FANCD2: variants seen among roughly 807,000 people sequenced by gnomAD.
The protein encoded by FANCD2 is Fanconi anemia group D2 protein.
In FANCD2, 131 loss-of-function variants were observed where a neutral mutation model predicts 192.3. That is an observed-to-expected ratio of 0.68 (90% CI 0.59 to 0.79). FANCD2 has a LOEUF of 0.79. Among genes scored for constraint, FANCD2 ranks in the 30% least tolerant of loss-of-function variants. The pLI, the probability that FANCD2 is intolerant of heterozygous loss-of-function variation, is 0.00. For synonymous variants in FANCD2, 524 were observed against 612.5 expected (o/e 0.86, Z 2.13); for missense variants, 1,508 against 1,701.6 (o/e 0.89, Z 2.00).
At chr3:10,062,275 C>T in intron 20 of FANCD2, 64 bp downstream of exon 20, 12 of 1,368,832 alleles carry the variant, frequency 8.8e-6, no homozygotes, top group Non-Finnish European at 1.2e-5. Flanking sequence ...GAGTCTCGCT[C>T]TGTCACCCAA....
rs754606069 is a variant in FANCD2, at chr3:10,098,884, G to A, written c.4281+69G>A. The stretch of plus-strand genomic sequence containing the variant: ...TTTTGTTAATTGTTCTAAGTTGGTG[G>A]AGCAGAACTTTGCCTACTTATGTTT... On this transcript the variant is annotated intron_variant, in intron 43 of 43. Transcript: ENST00000675286. 60 of 1,614,092 alleles carry A rather than the reference G, an allele frequency of 3.7e-5. No individual in the cohort carries two copies. The highest frequency in any genetic ancestry group is 4.9e-5 in the Non-Finnish European group (58 of 1,180,040).
chr3:10,052,188 C>A (rs7633842), intron 17 of FANCD2, among the ~76,000 whole-genome samples, 199 bp from the exon 18 acceptor site: 1 of 152,102 alleles, frequency 6.6e-6, no homozygotes, highest in Non-Finnish European at 1.5e-5. Flanking sequence ...AAGAATTTTC[C>A]CAGTTTATAT....
Position 10,101,549 on chromosome 3 carries a change from C to G in FANCD2, c.*287C>G. On this transcript the variant is annotated 3_prime_UTR_variant, in exon 44 of 44. Transcript: ENST00000675286. ...GACAGGCACATGCCACCATGCCCAG[C>G]TAATTTTTGTATTTTTAGTAGATAC... The G allele has an allele frequency of 9.5e-6, 4 of 423,226 alleles. No homozygotes were observed. The South Asian group carries it at 9.6e-5, about 10-fold the overall frequency. 26.2% of individuals were successfully genotyped at this position (423,226 alleles called of 1,614,324 possible).
chr3:10,034,216 TG>T lies in FANCD2; in HGVS notation c.206-246del, dbSNP rs113663828. 0.23 allele frequency among the ~76,000 whole-genome samples: 33,721 copies of T among 148,278 alleles called. 4,912 individuals carry two copies. The highest frequency in any genetic ancestry group is 0.42 in the African/African-American group (17,036 of 40,344). On this transcript the variant is annotated intron_variant, in intron 3 of 43. Transcript: ENST00000675286. ...AAACGTGTCTGTAGTCCCAGCTACT[TG>T]GGGGGGCTGAGGCAGGAGAATCATT...
At chr3:10,054,981 G>A (rs1288946300) in intron 18 of FANCD2, among the ~76,000 whole-genome samples, 1 of 151,956 alleles carries the variant, frequency 6.6e-6, no homozygotes, top group African/African-American at 2.4e-5. Context: ...CTCCCACAGG[G>A]GCAATCACTT....
chr3:10,045,954 C>T (rs17032299), intron 14 of FANCD2, among the ~76,000 whole-genome samples: 29,774 of 151,588 alleles, frequency 0.2, 3,391 homozygotes, highest in African/African-American at 0.32. Context: ...AACAAATACA[C>T]GCTGGAGTTG....
intron 16 of FANCD2, among the ~76,000 whole-genome samples, chr3:10,048,477 G>A (rs1303026254): frequency 6.6e-6 from 1 of 152,124 alleles, no homozygotes; most frequent in Non-Finnish European, 1.5e-5. Context: ...TTAATTTTTT[G>A]TATTTTTAGT....
chr3:10,027,937 G>C (rs932887328), intron 1 of FANCD2, among the ~76,000 whole-genome samples: 1 of 148,738 alleles, frequency 6.7e-6, no homozygotes, highest in Non-Finnish European at 1.5e-5. Flanking sequence ...ACTTCTTTAG[G>C]CCGGGCGGCT....
chr3:10,054,367 ACG>A (rs201287796), intron 18 of FANCD2, among the ~76,000 whole-genome samples: 6 of 108,652 alleles, frequency 5.5e-5, no homozygotes, highest in African/African-American at 2.2e-4. Context: ...ATATATATAT[ACG>A]TGTATATACA....
rs149232479 is a variant in FANCD2, at chr3:10,044,373, A to G, written c.1134+509A>G. Among the ~76,000 whole-genome samples the G allele has an allele frequency of 5.6e-4, 85 of 151,720 alleles. 3 individuals carry two copies. The East Asian group carries it at 0.016, about 28-fold the overall frequency. The stretch of plus-strand genomic sequence containing the variant: ...AATTCTAGAAATACCTTCCATCAAA[A>G]AGCCAGATGATTGGCCGGGCGCGGT... On this transcript the variant is annotated intron_variant, in intron 14 of 43. Coordinates refer to ENST00000675286, the MANE Select transcript of FANCD2 (RefSeq NM_001018115.3).
chr3:10,063,460 T>C (rs767888603), intron 20 of FANCD2, among the ~76,000 whole-genome samples: 1 of 152,056 alleles, frequency 6.6e-6, no homozygotes, highest in African/African-American at 2.4e-5. Context: ...AAAAAGCTAT[T>C]TGAGAGAGAA....
intron 14 of FANCD2, chr3:10,045,731 A>T (rs1473682879): frequency 6.6e-6 from 1 of 150,522 alleles, no homozygotes; most frequent in Non-Finnish European, 1.5e-5. Flanking sequence ...CTTCCCAAGT[A>T]GGTGGGATTA....
At chr3:10,031,313 C>G (rs879798228) in intron 2 of FANCD2, among the ~76,000 whole-genome samples, 4 of 152,048 alleles carry the variant, frequency 2.6e-5, no homozygotes, top group Non-Finnish European at 5.9e-5. Context: ...ACCATCTTGG[C>G]TAACATGGTG....
intron 18 of FANCD2, among the ~76,000 whole-genome samples, chr3:10,053,341 G>A (rs995517936): frequency 2.8e-5 from 4 of 144,744 alleles, no homozygotes; most frequent in Non-Finnish European, 4.5e-5. Context: ...GAACACATGG[G>A]CACAGGAAGG....
intron 26 of FANCD2, among the ~76,000 whole-genome samples, chr3:10,069,295 A>G (rs1231047630): frequency 6.8e-6 from 1 of 147,394 alleles, no homozygotes; most frequent in African/African-American, 2.7e-5. Flanking sequence ...TAAAGATAGG[A>G]AAAAAAATTA....
intron 18 of FANCD2, chr3:10,057,978 C>T (rs772828881): frequency 1.8e-5 from 7 of 398,816 alleles, no homozygotes; most frequent in Non-Finnish European, 3.0e-5. Flanking sequence ...AATTATTACT[C>T]ATTAGTAGCT....
chr3:10,073,916 A>C (rs1693387635), intron 28 of FANCD2, among the ~76,000 whole-genome samples: 1 of 152,176 alleles, frequency 6.6e-6, no homozygotes, highest in East Asian at 1.9e-4. Flanking sequence ...AAGCCAGATC[A>C]TTCTGGCCCC....
At chr3:10,054,506 T>C (rs1475806839) in intron 18 of FANCD2, among the ~76,000 whole-genome samples, 2 of 101,346 alleles carry the variant, frequency 2.0e-5, no homozygotes, top group Non-Finnish European at 3.8e-5. Flanking sequence ...TTTTTTGAGA[T>C]GGAGTCTCGC....
chr3:10,094,795 T>A (rs1487404546), intron 40 of FANCD2: 5 of 333,038 alleles, frequency 1.5e-5, no homozygotes, highest in Non-Finnish European at 2.9e-5. Flanking sequence ...CATCCAGGGC[T>A]AGAGTGATGA....
Sources: gnomAD v4.1 joint callset for allele counts (sites outside exome capture counted in the v4.1 genomes callset) on GRCh38, gnomAD v4.1.1 for gene constraint, MANE v1.5 for transcripts, NCBI Gene and HGNC (gene_info 2026-07-23, HGNC 2026-07-21) for gene names.